Variants in NEK10 observed in about 807,000 individuals in gnomAD.
NEK10 encodes NIMA related kinase 10.
A neutral mutation model predicts 159.8 loss-of-function variants in NEK10; 122 were observed. That is an observed-to-expected ratio of 0.76 (90% confidence interval 0.66 to 0.89). The LOEUF (loss-of-function observed/expected upper bound fraction) is 0.89, where lower values mean the gene tolerates loss of function less well. Ranked by LOEUF, NEK10 falls within the 40% of genes least tolerant of loss-of-function variation. NEK10 has a pLI of 0.00. For missense variants in NEK10, 1,342 were observed against 1,323.1 expected, an observed-to-expected ratio of 1.01 and a Z score of -0.22; for synonymous variants, 466 against 457.1, an observed-to-expected ratio of 1.02 and a Z score of -0.25.
intron 20 of NEK10, among the ~76,000 whole-genome samples, chr3:27,285,519 CA>C (rs5847456): frequency 0.46 from 60,749 of 131,996 alleles, 15,633 homozygotes; most frequent in African/African-American, 0.76. Flanking sequence ...CTTTCAAAAG[CA>C]AAAAAAAAAA....
chr3:27,230,872 C>A (rs1345953843), intron 23 of NEK10, among the ~76,000 whole-genome samples: 1 of 151,942 alleles, frequency 6.6e-6, no homozygotes, highest in African/African-American at 2.4e-5. Flanking sequence ...ATTTATAAAA[C>A]AATTACTACC....
chr3:27,251,710 T>A (rs1455977230), intron 23 of NEK10, among the ~76,000 whole-genome samples: 1 of 152,202 alleles, frequency 6.6e-6, no homozygotes, highest in African/African-American at 2.4e-5. Context: ...ATCTAACACA[T>A]CTCTTTTTTG....
At chr3:27,260,550 T>C (rs1464805648) in intron 22 of NEK10, among the ~76,000 whole-genome samples, 34 of 152,166 alleles carry the variant, frequency 2.2e-4, no homozygotes, top group Admixed American at 2.2e-3. Flanking sequence ...TGAACCAGCC[T>C]TGCATCCCAG....
intron 23 of NEK10, chr3:27,252,088 G>T: frequency 5.1e-6 from 1 of 195,030 alleles, no homozygotes; most frequent in South Asian, 9.0e-5. Flanking sequence ...TTAAGATTCT[G>T]CTAGTCAACT....
intron 3 of NEK10, among the ~76,000 whole-genome samples, chr3:27,348,592 G>T (rs181109994): frequency 2.0e-5 from 3 of 152,262 alleles, no homozygotes; most frequent in African/African-American, 7.2e-5. Context: ...CTGGGCATCT[G>T]CAGCCTGTTA....
chr3:27,333,037 G>A (rs2046538061), intron 5 of NEK10, among the ~76,000 whole-genome samples: 1 of 152,184 alleles, frequency 6.6e-6, no homozygotes, highest in Non-Finnish European at 1.5e-5. Context: ...AGATAATTAT[G>A]CTTCAAATAG....
At position 27,174,526 on chromosome 3, in the gene NEK10, C is replaced by G; in HGVS notation, c.2690-1G>C. On this transcript the variant is annotated splice_acceptor_variant, in intron 27 of 35. Coordinates refer to ENST00000691995, the MANE Select transcript of NEK10 (RefSeq NM_001394966.1). LOFTEE classifies it high-confidence loss of function. ...TCATCATCTACCTCTGAATATGTATCTGCACATTAATAAAAACAATAAAAA... is the reference window on the plus strand; with the variant it reads ...TCATCATCTACCTCTGAATATGTATGTGCACATTAATAAAAACAATAAAAA... The G allele has an allele frequency of 6.2e-7, 1 of 1,607,130 alleles. No individual in the cohort carries two copies. Among genetic ancestry groups the G allele is most frequent in the Non-Finnish European group, 8.5e-7 (1 of 1,178,366 alleles).
chr3:27,253,580 A>G (rs567211182), intron 23 of NEK10, among the ~76,000 whole-genome samples: 25 of 152,308 alleles, frequency 1.6e-4, no homozygotes, highest in African/African-American at 6.0e-4. Context: ...CTGAATACAG[A>G]ATAAATGCTC....
chr3:27,279,997 G>A (rs112753751), intron 22 of NEK10, among the ~76,000 whole-genome samples: 4,135 of 149,484 alleles, frequency 0.028, 93 homozygotes, highest in Middle Eastern at 0.035. Flanking sequence ...GTGAAACCCC[G>A]TCTCTCCTAA....
At chr3:27,271,076 TAATACA>T (rs1254960708) in intron 22 of NEK10, among the ~76,000 whole-genome samples, 1 of 152,168 alleles carries the variant, frequency 6.6e-6, no homozygotes, top group Non-Finnish European at 1.5e-5. Context: ...ACATATCTTT[TAATACA>T]TGTATATGTA....
At chr3:27,313,738 A>G (rs974197896) in intron 7 of NEK10, among the ~76,000 whole-genome samples, 2 of 152,046 alleles carry the variant, frequency 1.3e-5, no homozygotes, top group African/African-American at 4.8e-5. Context: ...TGTGAGGCGG[A>G]GTTTCGCTCT....
chr3:27,136,103 A>ATTTTTTTTTTTTTTTTTTT (rs775843715), intron 31 of NEK10, among the ~76,000 whole-genome samples: 3 of 60,678 alleles, frequency 4.9e-5, no homozygotes, highest in Non-Finnish European at 6.2e-5. Flanking sequence ...TAGGAGATCG[A>ATTTTTTTTTTTTTTTTTTT]TTTTTTTTTT....
intron 23 of NEK10, among the ~76,000 whole-genome samples, chr3:27,217,355 G>A (rs1170844201): frequency 6.6e-6 from 1 of 152,226 alleles, no homozygotes; most frequent in Non-Finnish European, 1.5e-5. Flanking sequence ...GAAGAGGCAT[G>A]ACTGTGGAGG....
intron 23 of NEK10, among the ~76,000 whole-genome samples, chr3:27,233,916 C>A (rs1953604861): frequency 2.0e-5 from 3 of 152,024 alleles, no homozygotes; most frequent in Admixed American, 2.0e-4. Context: ...AAAAGCTTAA[C>A]CACCACAGTG....
chr3:27,343,542 G>A (rs1030546129), intron 5 of NEK10, among the ~76,000 whole-genome samples: 2 of 152,204 alleles, frequency 1.3e-5, no homozygotes, highest in African/African-American at 4.8e-5. Flanking sequence ...TCTGTGAAGA[G>A]TATGCGCCTC....
intron 19 of NEK10, among the ~76,000 whole-genome samples, chr3:27,289,793 T>C (rs1000202903): frequency 1.3e-5 from 2 of 152,212 alleles, no homozygotes; most frequent in Non-Finnish European, 2.9e-5. Flanking sequence ...TATTAGTATA[T>C]AAAATCAACT....
At chr3:27,249,860 A>ATTACTTT (rs895174228) in intron 23 of NEK10, among the ~76,000 whole-genome samples, 1 of 151,940 alleles carries the variant, frequency 6.6e-6, no homozygotes, top group East Asian at 1.9e-4. Context: ...GATTTAATTT[A>ATTACTTT]TTACTTTTTA....
intron 23 of NEK10, among the ~76,000 whole-genome samples, chr3:27,238,529 A>G (rs903719728): frequency 1.3e-5 from 2 of 152,120 alleles, no homozygotes; most frequent in African/African-American, 4.8e-5. Context: ...TTATTTTGTT[A>G]TATGTATTCA....
At position 27,352,822 on chromosome 3, in the gene NEK10, T is replaced by C. The variant is rs753796919; in HGVS notation, c.61A>G (p.Ile21Val). ...TCAGTAGGGAGTTACCTGATGGTGA[T>C]TTCTTGCTGTTTATCAGTTGATTTT... ...TEKSTDKQQE[I>V]TIRDYSDLKR... Residue 21 changes from isoleucine (I) to valine (V), a missense_variant, in exon 2 of 36, where the codon ATC becomes GTC. By Grantham distance (29) the Ile-to-Val change is conservative. Coordinates refer to ENST00000691995, the MANE Select transcript of NEK10 (RefSeq NM_001394966.1). The C allele has an allele frequency of 6.2e-7, 1 of 1,608,658 alleles. No homozygotes were observed. Among genetic ancestry groups the C allele is most frequent in the South Asian group, 1.1e-5 (1 of 90,964 alleles).
Sources: gnomAD v4.1 joint callset for allele counts (sites outside exome capture counted in the v4.1 genomes callset) on GRCh38, gnomAD v4.1.1 for gene constraint, MANE v1.5 for transcripts, NCBI Gene and HGNC (gene_info 2026-07-23, HGNC 2026-07-21) for gene names.